SOCS7: variants seen among roughly 807,000 people sequenced by gnomAD.
SOCS7 encodes the protein NAP-4.
Under a neutral mutation model 58.9 loss-of-function variants are expected in SOCS7, and 18 were observed. The observed-to-expected ratio is 0.31, with a 90% CI of 0.21 to 0.45. The LOEUF is 0.45. Ranked by LOEUF, SOCS7 falls within the 20% of genes least tolerant of loss-of-function variation. The pLI, the probability that SOCS7 is intolerant of heterozygous loss-of-function variation, is 1.00. For missense variants in SOCS7, 667 were observed against 837.3 expected (o/e 0.80, Z 2.51); for synonymous variants, 388 against 364.3 (o/e 1.06, Z -0.74).
chr17:38,366,387 C>T lies in SOCS7; in HGVS notation c.1353C>T (p.Ser451=), dbSNP rs1276397563. The change falls in exon 5 of 10, where the codon AGC becomes AGT. Residue 451 remains serine (S), a synonymous_variant. Coordinates refer to ENST00000612932, the MANE Select transcript of SOCS7 (RefSeq NM_014598.4). The part of the protein sequence containing the change: ...QCPLYRPDSS[S]FAASLRELEK... ...CCCTCTACCGGCCTGACTCGAGCAG[C>T]TTTGCAGCCAGCCTTCGAGAGTTGG... 6.2e-7 allele frequency: 1 copy of T among 1,614,158 alleles called. No homozygotes were observed. The highest frequency in any genetic ancestry group is 8.5e-7 in the Non-Finnish European group (1 of 1,180,066).
Position 38,352,156 on chromosome 17 carries a change from G to T in SOCS7, c.104G>T (p.Gly35Val). 2 of 1,207,660 alleles carry T rather than the reference G, an allele frequency of 1.7e-6. No individual in the cohort carries two copies. Among genetic ancestry groups the T allele is most frequent in the Non-Finnish European group, 2.1e-6 (2 of 963,820 alleles). The allele number at this position is 1,207,660 out of a possible 1,614,324, so 74.8% of individuals were successfully genotyped here. A position where few individuals can be genotyped will look rare whatever the true frequency, so the allele number is the denominator to read the frequency against. The change falls in exon 1 of 10, where the codon GGC (glycine) becomes GTC (valine). Residue 35 changes from glycine (G) to valine (V), a missense_variant. Around this residue, in one of 9 missense-constraint regions of SOCS7, gnomAD observed 65 missense variants for 51.0 expected, o/e 1.27. Transcript: ENST00000612932. This position sits in a 1 kb window ranked among gnomAD's most constrained non-coding sequence, Gnocchi z 5.5. ...TATGGAGAGGCGGCCCCCGAGCCAG[G>T]CCCTCCGCCACCGCCCCCGGGCCAT... is the stretch of plus-strand genomic sequence containing the variant. ...LGYGEAAPEPGPPPPPPGHGP... is the reference protein window; with the variant it reads ...LGYGEAAPEPVPPPPPPGHGP...
At chr17:38,375,542 A>G (rs1469399415) in intron 6 of SOCS7, among the ~76,000 whole-genome samples, 4 of 152,196 alleles carry the variant, frequency 2.6e-5, no homozygotes, top group African/African-American at 7.2e-5. Context: ...TACATATCAC[A>G]TACAAAATAT....
At position 38,365,381 on chromosome 17, in the gene SOCS7, A is replaced by C. The variant is rs757432053; in HGVS notation, c.1224A>C (p.Leu408=). ...GGTCTTCCTTGCAGTCTTTCCCCCTACCTCCGCCTCCTCCACCCCATGCCC... is the reference window on the plus strand; with the variant it reads ...GGTCTTCCTTGCAGTCTTTCCCCCTCCCTCCGCCTCCTCCACCCCATGCCC... ...PMGSSLQSFP[L]PPPPPPHAPD... The change falls in exon 4 of 10, where the codon CTA becomes CTC. Residue 408 remains leucine (L), a synonymous_variant. Transcript: ENST00000612932. The C allele has an allele frequency of 6.2e-7, 1 of 1,611,298 alleles. No individual in the cohort carries two copies. The highest frequency in any genetic ancestry group is 8.5e-7 in the Non-Finnish European group (1 of 1,178,758).
chr17:38,382,991 A>G (rs2038022897), intron 7 of SOCS7, among the ~76,000 whole-genome samples: 1 of 152,104 alleles, frequency 6.6e-6, no homozygotes, highest in Admixed American at 6.6e-5. Flanking sequence ...ACTAGATGCC[A>G]GGAGCACTCA....
intron 7 of SOCS7, among the ~76,000 whole-genome samples, chr17:38,387,123 A>ATG (rs1414262368): frequency 3.8e-5 from 4 of 105,716 alleles, no homozygotes; most frequent in African/African-American, 1.9e-4. Context: ...ATATATATAT[A>ATG]TATATGTATG....
intron 7 of SOCS7, among the ~76,000 whole-genome samples, chr17:38,388,503 CAG>C (rs929611071): frequency 1.2e-4 from 18 of 151,894 alleles, no homozygotes; most frequent in African/African-American, 3.9e-4. Context: ...TGGGTGAAGA[CAG>C]AACAAGACTG....
chr17:38,391,378 G>A (rs1489590654), intron 7 of SOCS7, among the ~76,000 whole-genome samples: 5 of 152,110 alleles, frequency 3.3e-5, no homozygotes, highest in Non-Finnish European at 7.4e-5. Flanking sequence ...TTAAAAAACA[G>A]TGCTTCACTG....
chr17:38,401,027 T>G lies in SOCS7; in HGVS notation c.*1545T>G, dbSNP rs998455391. 2.0e-5 allele frequency: 3 copies of G among 152,252 alleles called. No homozygotes were observed. The highest frequency in any genetic ancestry group is 2.0e-4 in the Admixed American group (3 of 15,292). 9.4% of individuals were successfully genotyped at this position (152,252 alleles called of 1,614,324 possible). A position where few individuals can be genotyped will look rare whatever the true frequency, so the allele number is the denominator to read the frequency against. On this transcript the variant is annotated 3_prime_UTR_variant, in exon 10 of 10. Coordinates refer to ENST00000612932, the MANE Select transcript of SOCS7 (RefSeq NM_014598.4). Reference sequence around the variant, plus strand: ...ACAAGACAGATACTAATGTCAGGTTTGTGGCTTCCTGATGGTTTGGGTGGG... The same window carrying G: ...ACAAGACAGATACTAATGTCAGGTTGGTGGCTTCCTGATGGTTTGGGTGGG...
chr17:38,363,358 C>T lies in SOCS7; in HGVS notation c.1046-1394C>T, dbSNP rs188305428. 1.7e-3 allele frequency among the ~76,000 whole-genome samples: 256 copies of T among 152,260 alleles called. 1 individual carries two copies. Among genetic ancestry groups the T allele is most frequent in the African/African-American group, 5.8e-3 (240 of 41,562 alleles). ...TGATGGCTTTTGTTTATTTTTGACA[C>T]AGGGCCTCACTTTGTCTCCCAGGCT... On this transcript the variant is annotated intron_variant, in intron 2 of 9. Coordinates refer to ENST00000612932, the MANE Select transcript of SOCS7 (RefSeq NM_014598.4).
rs565183049 is a variant in SOCS7 at position 38,383,842 on chromosome 17, C to A, written c.1681+6000C>A. Reference sequence around the variant, plus strand: ...TACAGGGGTGAGCCACCGCGCCCAGCCTGCTCTATATTATTTTGTATATTA... The same window carrying A: ...TACAGGGGTGAGCCACCGCGCCCAGACTGCTCTATATTATTTTGTATATTA... On this transcript the variant is annotated intron_variant, in intron 7 of 9. Coordinates refer to ENST00000612932, the MANE Select transcript of SOCS7 (RefSeq NM_014598.4). Among the ~76,000 whole-genome samples, 223 of 152,290 alleles carry A rather than the reference C, an allele frequency of 1.5e-3. 2 individuals carry two copies. Among genetic ancestry groups the A allele is most frequent in the African/African-American group, 5.0e-3 (209 of 41,556 alleles).
chr17:38,381,077 T>C (rs1229224055), intron 7 of SOCS7, among the ~76,000 whole-genome samples: 1 of 152,044 alleles, frequency 6.6e-6, no homozygotes, highest in African/African-American at 2.4e-5. Context: ...AGTAATCAGA[T>C]TGAAAGTTTG....
chr17:38,386,531 T>C (rs1357689480), intron 7 of SOCS7, among the ~76,000 whole-genome samples: 4 of 152,006 alleles, frequency 2.6e-5, no homozygotes, highest in Non-Finnish European at 5.9e-5. Context: ...GGCATGCCCA[T>C]AGGAAACACA....
In SOCS7 at chr17:38,352,633, A is replaced by G; in HGVS notation, c.581A>G (p.Asn194Ser). 6.5e-7 allele frequency: 1 copy of G among 1,550,010 alleles called. No individual in the cohort carries two copies. Among genetic ancestry groups the G allele is most frequent in the East Asian group, 2.4e-5 (1 of 40,898 alleles). The change falls in exon 1 of 10, where the codon AAC (asparagine) becomes AGC (serine). Residue 194 changes from asparagine to serine, a missense_variant. Asn to Ser is a conservative substitution (Grantham distance 46, BLOSUM62 1). This residue lies in a region of SOCS7 where 208 missense variants were observed against 190.3 expected (regional missense o/e 1.09). Coordinates refer to ENST00000612932, the MANE Select transcript of SOCS7 (RefSeq NM_014598.4). The surrounding 1 kb of genome is among the most constrained non-coding windows in gnomAD (Gnocchi z 5.5). ...LESEAESLET[N>S]SCSEEELSSP... ...TCGGAGGCCGAGAGCCTGGAGACTA[A>G]CAGCTGCTCGGAAGAGGAGCTCAGC... is the stretch of plus-strand genomic sequence containing the variant.
intron 7 of SOCS7, among the ~76,000 whole-genome samples, chr17:38,391,631 G>A (rs1392559761): frequency 1.3e-5 from 2 of 152,030 alleles, no homozygotes; most frequent in Admixed American, 6.6e-5. Flanking sequence ...GAACTCCTGG[G>A]CTCAAGCAGT....
chr17:38,377,340 C>G (rs143079556), intron 6 of SOCS7, among the ~76,000 whole-genome samples: 214 of 152,248 alleles, frequency 1.4e-3, no homozygotes, highest in African/African-American at 5.0e-3. Context: ...AGGAAATGCT[C>G]ATTGGAGCAC....
chr17:38,388,889 C>A (rs1382027602), intron 7 of SOCS7, among the ~76,000 whole-genome samples: 1 of 152,096 alleles, frequency 6.6e-6, no homozygotes, highest in Admixed American at 6.6e-5. Flanking sequence ...TTTCTCCATT[C>A]TTTAGGTTGT....
rs2038364694 is a variant in SOCS7 at position 38,404,546 on chromosome 17, G to A, written c.*5064G>A. On this transcript the variant is annotated 3_prime_UTR_variant, in exon 10 of 10. Coordinates refer to ENST00000612932, the MANE Select transcript of SOCS7 (RefSeq NM_014598.4). ...ACCCCCTCCTCTGCAACACCAAGAG[G>A]CCTGGAGGGGCAGACAGAAAGCAGC... 6.6e-6 allele frequency: 1 copy of A among 152,240 alleles called. No homozygotes were observed. Among genetic ancestry groups the A allele is most frequent in the Non-Finnish European group, 1.5e-5 (1 of 68,112 alleles). The allele number at this position is 152,240 out of a possible 1,614,324, so 9.4% of individuals were successfully genotyped here.
chr17:38,395,749 C>T (rs1217054546), intron 8 of SOCS7, 99 bp from the exon 9 acceptor site: 1 of 1,256,748 alleles, frequency 8.0e-7, no homozygotes, highest in East Asian at 2.3e-5. Flanking sequence ...TGTTAGGTCT[C>T]AACCATGTAG....
intron 6 of SOCS7, among the ~76,000 whole-genome samples, chr17:38,377,119 G>C (rs919061567): frequency 6.6e-6 from 1 of 152,162 alleles, no homozygotes; most frequent in Non-Finnish European, 1.5e-5. Context: ...CTGTCATTAA[G>C]TAATGCATGA....
Sources: allele counts gnomAD v4.1 joint callset (sites outside exome capture counted in the v4.1 genomes callset), GRCh38; gene constraint gnomAD v4.1.1; regional missense constraint gnomAD v4.1.1; non-coding constraint Gnocchi (gnomAD v3.1); transcripts MANE v1.5; gene names NCBI Gene and HGNC (gene_info 2026-07-23, HGNC 2026-07-21).